The following PRKN variants were observed in gnomAD, a reference collection of about 807,000 sequenced individuals.
The protein encoded by PRKN is parkin RBR E3 ubiquitin protein ligase.
A neutral mutation model predicts 59.5 loss-of-function variants in PRKN; 56 were observed. That is an observed-to-expected ratio of 0.94 (90% CI 0.76 to 1.18). The LOEUF is 1.18. Ranked by LOEUF, PRKN falls within the 50% of genes most tolerant of loss-of-function variation. The pLI is 0.00. For missense variants in PRKN, 657 were observed against 596.4 expected, an observed-to-expected ratio of 1.10 and a Z score of -1.06; for synonymous variants, 250 against 222.1, an observed-to-expected ratio of 1.13 and a Z score of -1.12.
chr6:162,280,458 C>T (rs764050505), intron 2 of PRKN, among the ~76,000 whole-genome samples: 2 of 151,930 alleles, frequency 1.3e-5, no homozygotes, highest in African/African-American at 2.4e-5. Flanking sequence ...ACCCTAACAT[C>T]ACCATTAAAA....
chr6:161,757,871 C>CTCTCTCTCTCTCTCTCTCTCTGTGTG lies in PRKN; in HGVS notation c.871+27900_871+27901insCACACAGAGAGAGAGAGAGAGAGAGA, dbSNP rs1380898753. 1.0e-4 allele frequency among the ~76,000 whole-genome samples: 10 copies of CTCTCTCTCTCTCTCTCTCTCTGTGTG among 97,982 alleles called. 1 individual carries two copies. The highest frequency in any genetic ancestry group is 3.6e-4 in the African/African-American group (8 of 22,320). The allele number at this position is 97,982 out of a possible 152,430, so 64.3% of individuals were successfully genotyped here. A position where few individuals can be genotyped will look rare whatever the true frequency, so the allele number is the denominator to read the frequency against. ...TCTCTCTCTCTCTCTCTCTCTCTCT[C>CTCTCTCTCTCTCTCTCTCTCTGTGTG]TGTGTATATATATATACACACACAC... On this transcript the variant is annotated intron_variant, in intron 7 of 11. Transcript: ENST00000366898.
Position 161,951,229 on chromosome 6 carries a change from G to T in PRKN, c.734+22073C>A, listed in dbSNP as rs540530312. ...AAACAGTATGGCAAGACAGGCTGGG[G>T]AACTCCAAGTCTGCCTTAATTAGAT... On this transcript the variant is annotated intron_variant, in intron 6 of 11. Transcript: ENST00000366898. Among the ~76,000 whole-genome samples, 3 of 152,198 alleles carry T rather than the reference G, an allele frequency of 2.0e-5. No individual in the cohort carries two copies. In the East Asian group the frequency reaches 5.8e-4, roughly 30 times the overall value.
intron 1 of PRKN, among the ~76,000 whole-genome samples, chr6:162,586,302 G>A (rs1023487841): frequency 6.6e-6 from 1 of 152,154 alleles, no homozygotes; most frequent in Non-Finnish European, 1.5e-5. Flanking sequence ...ATAATATCCT[G>A]ATATTGGCAT....
chr6:161,496,465 G>A (rs1464826955), intron 9 of PRKN, among the ~76,000 whole-genome samples: 1 of 152,228 alleles, frequency 6.6e-6, no homozygotes, highest in East Asian at 1.9e-4. Flanking sequence ...TGGCTGGGGA[G>A]GCCTCACAAT....
At chr6:162,259,274 C>T (rs888093865) in intron 3 of PRKN, among the ~76,000 whole-genome samples, 5 of 152,182 alleles carry the variant, frequency 3.3e-5, no homozygotes, top group South Asian at 4.1e-4. Context: ...TGTTCTCCCA[C>T]CCAGCGTCCG....
chr6:161,608,924 T>G (rs1782386196), intron 7 of PRKN, among the ~76,000 whole-genome samples: 1 of 152,186 alleles, frequency 6.6e-6, no homozygotes, highest in Admixed American at 6.5e-5. Context: ...GCAGCTTAGG[T>G]TGTCATCCAG....
At chr6:162,339,328 T>C (rs1340068129) in intron 2 of PRKN, among the ~76,000 whole-genome samples, 13 of 88,776 alleles carry the variant, frequency 1.5e-4, no homozygotes, top group East Asian at 3.8e-4. Context: ...CCGCGCCGTC[T>C]GGGAGGGAGG....
intron 4 of PRKN, among the ~76,000 whole-genome samples, chr6:162,078,528 T>C (rs1231306111): frequency 6.6e-6 from 1 of 152,072 alleles, no homozygotes; most frequent in East Asian, 1.9e-4. Flanking sequence ...AGATGACATT[T>C]ACCATTCTCT....
chr6:162,326,077 A>G (rs1276746183), intron 2 of PRKN, among the ~76,000 whole-genome samples: 1 of 152,170 alleles, frequency 6.6e-6, no homozygotes, highest in Non-Finnish European at 1.5e-5. Flanking sequence ...AAATCCTAAC[A>G]TTCACATTCT....
intron 6 of PRKN, among the ~76,000 whole-genome samples, chr6:161,939,455 G>A (rs1278937805): frequency 2.1e-5 from 3 of 146,266 alleles, no homozygotes; most frequent in African/African-American, 7.6e-5. Flanking sequence ...ACCGTCGTCG[G>A]GCATGGTGGC....
chr6:162,517,063 G>A (rs892503833), intron 1 of PRKN, among the ~76,000 whole-genome samples: 2 of 151,994 alleles, frequency 1.3e-5, no homozygotes, highest in East Asian at 1.9e-4. Context: ...AAGGATGGAG[G>A]GGATGCCAAG....
chr6:161,544,277 T>A lies in PRKN; in HGVS notation c.1083+4577A>T, dbSNP rs1779717858. Among the ~76,000 whole-genome samples, 1 of 152,206 alleles carries A rather than the reference T, an allele frequency of 6.6e-6. No individual in the cohort carries two copies. Among genetic ancestry groups the A allele is most frequent in the Non-Finnish European group, 1.5e-5 (1 of 68,026 alleles). On this transcript the variant is annotated intron_variant, in intron 9 of 11. Coordinates refer to ENST00000366898, the MANE Select transcript of PRKN (RefSeq NM_004562.3). This position sits in a 1 kb window ranked among gnomAD's most constrained non-coding sequence, Gnocchi z 5.5. ...TTCTAATGGACTTTTTGTGGATCCC[T>A]GAACATAGTGTTATTTTGGTTTTCT...
chr6:161,991,309 T>G (rs2128258383), intron 5 of PRKN, among the ~76,000 whole-genome samples: 1 of 151,928 alleles, frequency 6.6e-6, no homozygotes, highest in Middle Eastern at 3.4e-3. Flanking sequence ...AGTGCAAAAC[T>G]CAATGGTAGA....
chr6:161,510,796 T>C lies in PRKN; in HGVS notation c.1083+38058A>G, dbSNP rs533996252. On this transcript the variant is annotated intron_variant, in intron 9 of 11. Transcript: ENST00000366898. ...AGCAAATGATAGAGGATATAATCCT[T>C]TATCATTTGAATGAAATATGTTGGA... Among the ~76,000 whole-genome samples the C allele has an allele frequency of 1.5e-3, 223 of 152,296 alleles. 1 individual carries two copies. The highest frequency in any genetic ancestry group is 2.5e-3 in the Non-Finnish European group (169 of 68,030).
chr6:161,804,407 G>A (rs550467762), intron 6 of PRKN, among the ~76,000 whole-genome samples: 2 of 152,250 alleles, frequency 1.3e-5, no homozygotes, highest in South Asian at 2.1e-4. Context: ...AACGTGCCTC[G>A]ATGTAGGAGG....
chr6:162,561,937 C>T (rs937664444), intron 1 of PRKN, among the ~76,000 whole-genome samples: 12 of 152,076 alleles, frequency 7.9e-5, no homozygotes, highest in Non-Finnish European at 8.8e-5. Context: ...TGGGAGGGCA[C>T]GTGACATACT....
At chr6:161,841,410 C>T (rs1018799134) in intron 6 of PRKN, among the ~76,000 whole-genome samples, 1 of 151,102 alleles carries the variant, frequency 6.6e-6, no homozygotes, top group Non-Finnish European at 1.5e-5. Flanking sequence ...AGTGCACTGG[C>T]GTAATCTCTG....
chr6:162,470,247 C>A (rs1308470034), intron 1 of PRKN, among the ~76,000 whole-genome samples: 1 of 152,110 alleles, frequency 6.6e-6, no homozygotes, highest in Non-Finnish European at 1.5e-5. Context: ...GAAAAGGGAA[C>A]TAAAAAATAA....
chr6:162,340,539 C>T (rs999626252), intron 2 of PRKN, among the ~76,000 whole-genome samples: 1 of 152,144 alleles, frequency 6.6e-6, no homozygotes, highest in Non-Finnish European at 1.5e-5. Context: ...TGTAAAAAAT[C>T]TCCTGGTGTC....
Sources: gnomAD v4.1 joint callset for allele counts (sites outside exome capture counted in the v4.1 genomes callset) on GRCh38, gnomAD v4.1.1 for gene constraint, Gnocchi (gnomAD v3.1) non-coding constraint, MANE v1.5 for transcripts, NCBI Gene and HGNC (gene_info 2026-07-23, HGNC 2026-07-21) for gene names.